The following DNAH5 variants were observed in gnomAD, a reference collection of about 807,000 sequenced individuals.
The protein encoded by DNAH5 is axonemal beta dynein heavy chain 5.
DNAH5 carries 372 observed loss-of-function variants against 518.2 expected under a neutral mutation model. The observed-to-expected ratio is 0.72, with a 90% confidence interval of 0.66 to 0.78. The LOEUF (loss-of-function observed/expected upper bound fraction) is 0.78. DNAH5 is among the 30% of genes least tolerant of loss of function. The probability of loss-of-function intolerance (pLI) is 0.00; values close to 1 mark genes in which losing one functional copy is unlikely to be tolerated. For missense variants in DNAH5, 5,523 were observed against 5,687.0 expected (o/e 0.97, Z 0.93); for synonymous variants, 2,039 against 2,025.9 (o/e 1.01, Z -0.17).
At chr5:13,781,069 T>C in intron 52 of DNAH5, 110 bp from the exon 53 acceptor site, 1 of 1,257,430 alleles carries the variant, frequency 8.0e-7, no homozygotes, top group Non-Finnish European at 1.1e-6. Context: ...AAGATATAGG[T>C]GTCTCAAGAT....
chr5:13,925,129 G>C (rs1229851021), intron 3 of DNAH5, among the ~76,000 whole-genome samples: 1 of 152,110 alleles, frequency 6.6e-6, no homozygotes, highest in Non-Finnish European at 1.5e-5. Flanking sequence ...CCTCATTAAA[G>C]GTAACTAGAA....
intron 24 of DNAH5, among the ~76,000 whole-genome samples, chr5:13,869,417 A>G (rs1423027183): frequency 2.6e-5 from 4 of 152,156 alleles, no homozygotes; most frequent in Admixed American, 2.0e-4. Flanking sequence ...GGAGGTTAAC[A>G]GCACCCCCTG....
chr5:13,907,452 C>T (rs970658732), intron 12 of DNAH5, among the ~76,000 whole-genome samples: 36 of 151,702 alleles, frequency 2.4e-4, no homozygotes, highest in African/African-American at 8.7e-4. Flanking sequence ...AAAAAAAGAA[C>T]CTGGGGGAGA....
chr5:13,780,961 T>G lies in DNAH5; in HGVS notation c.8821-2A>C. ...AGGAGTACGAATGACACGAGAGATC[T>G]GTAATATGGAACAGAAAAAGTATGT... On this transcript the variant is annotated splice_acceptor_variant, in intron 52 of 78. Transcript: ENST00000265104. LOFTEE classifies it high-confidence loss of function. 1 of 1,613,552 alleles carries G rather than the reference T, an allele frequency of 6.2e-7. No individual in the cohort carries two copies. The highest frequency in any genetic ancestry group is 8.5e-7 in the Non-Finnish European group (1 of 1,179,640).
chr5:13,742,199 G>T (rs960656809), intron 65 of DNAH5, among the ~76,000 whole-genome samples: 2 of 152,076 alleles, frequency 1.3e-5, no homozygotes, highest in Non-Finnish European at 2.9e-5. Context: ...AGAATGATAA[G>T]GACAAATACT....
chr5:13,745,700 C>T (rs1340232206), intron 65 of DNAH5, among the ~76,000 whole-genome samples: 3 of 152,090 alleles, frequency 2.0e-5, no homozygotes, highest in African/African-American at 7.2e-5. Flanking sequence ...GACTCATCCC[C>T]ACTGAAGAGA....
intron 28 of DNAH5, 44 bp from the exon 29 acceptor site, chr5:13,862,791 C>G: frequency 6.5e-7 from 1 of 1,534,008 alleles, no homozygotes; most frequent in African/African-American, 1.4e-5. Flanking sequence ...GAAAGTCACA[C>G]GTCCTTCCTT....
At chr5:13,941,373 T>A (rs188089209) in intron 1 of DNAH5, among the ~76,000 whole-genome samples, 1,580 of 151,838 alleles carry the variant, frequency 0.01, 16 homozygotes, top group Non-Finnish European at 0.015. Flanking sequence ...GGAAAAAAAA[T>A]TTTTAAATAG....
At chr5:13,692,284 T>G (rs1485951935) in intron 78 of DNAH5, 149 bp from the exon 79 acceptor site, 1 of 872,766 alleles carries the variant, frequency 1.1e-6, no homozygotes, top group African/African-American at 1.7e-5. Context: ...GGTCAGGCAA[T>G]TCCTAGATGT....
At chr5:13,825,346 A>AAAATAAATAAATAAAT (rs143083505) in intron 38 of DNAH5, among the ~76,000 whole-genome samples, 7,175 of 150,556 alleles carry the variant, frequency 0.048, 315 homozygotes, top group East Asian at 0.25. Flanking sequence ...TGTCTTGCAA[A>AAAATAAATAAATAAAT]AAATAAATAA....
At chr5:13,920,671 C>T (rs1777155844) in intron 5 of DNAH5, 54 bp from the exon 6 acceptor site, 1 of 1,601,286 alleles carries the variant, frequency 6.2e-7, no homozygotes, top group Non-Finnish European at 8.6e-7. Context: ...AACACACAGA[C>T]TGTGGGCCCT....
At chr5:13,952,860 G>A (rs1429349781) in intron 1 of DNAH5, among the ~76,000 whole-genome samples, 1 of 152,094 alleles carries the variant, frequency 6.6e-6, no homozygotes, top group African/African-American at 2.4e-5. Context: ...ATAGCTCACT[G>A]CAGCCTGGAA....
chr5:13,779,130 T>C (rs1754705789), intron 53 of DNAH5, among the ~76,000 whole-genome samples: 2 of 152,222 alleles, frequency 1.3e-5, no homozygotes, highest in Admixed American at 6.5e-5. Context: ...AGCTCATGCA[T>C]GTAAAAGTGC....
intron 67 of DNAH5, among the ~76,000 whole-genome samples, chr5:13,735,562 C>G (rs529806995): frequency 2.0e-5 from 3 of 152,250 alleles, no homozygotes; most frequent in Admixed American, 2.0e-4. Context: ...ACAACGATAT[C>G]TTGGGAATTT....
At position 13,988,727 on chromosome 5, in the gene DNAH5, C is replaced by CTTTTTTT. The variant is rs528130556; in HGVS notation, c.12+22914_12+22920dup. ...ATGAGCCACTGCACCCAGCCCAAAT[C>CTTTTTTT]TTTTTTTTTTTTGAGACAGAGTCTT... On this transcript the variant is annotated intron_variant, in intron 1 of 78. Coordinates refer to the DNAH5 transcript ENST00000681290. 2.2e-4 allele frequency among the ~76,000 whole-genome samples: 28 copies of CTTTTTTT among 126,628 alleles called. 3 individuals carry two copies. The highest frequency in any genetic ancestry group is 5.5e-4 in the African/African-American group (18 of 32,586). The allele number at this position is 126,628 out of a possible 152,430, so 83.1% of individuals were successfully genotyped here.
At chr5:13,718,283 CCAAAAGAA>C (rs1485770861) in intron 72 of DNAH5, among the ~76,000 whole-genome samples, 1 of 152,104 alleles carries the variant, frequency 6.6e-6, no homozygotes, top group African/African-American at 2.4e-5. Flanking sequence ...TGACTCACAC[CCAAAAGAA>C]CAAAGTAATT....
At chr5:13,914,087 TACTC>T (rs2151981456) in intron 10 of DNAH5, 129 bp from the exon 11 acceptor site, 1 of 1,093,526 alleles carries the variant, frequency 9.1e-7, no homozygotes, top group African/African-American at 1.6e-5. Context: ...CCTTTGCTTG[TACTC>T]ACTCATCAGC....
intron 1 of DNAH5, among the ~76,000 whole-genome samples, chr5:13,939,857 G>A (rs1038826353): frequency 1.3e-5 from 2 of 152,148 alleles, no homozygotes; most frequent in Non-Finnish European, 2.9e-5. Flanking sequence ...GAGATGACAC[G>A]CTGGCTAATC....
intron 59 of DNAH5, among the ~76,000 whole-genome samples, chr5:13,765,243 A>G (rs1463488517): frequency 2.0e-5 from 3 of 152,096 alleles, no homozygotes; most frequent in Non-Finnish European, 4.4e-5. Context: ...CTTAAGAATC[A>G]GTTGTTAAAC....
Sources: allele counts gnomAD v4.1 joint callset (sites outside exome capture counted in the v4.1 genomes callset), GRCh38; gene constraint gnomAD v4.1.1; transcripts MANE v1.5; gene names NCBI Gene and HGNC (gene_info 2026-07-23, HGNC 2026-07-21).